SLC22A16: variants seen among roughly 807,000 people sequenced by gnomAD.
SLC22A16 encodes solute carrier family 22 member 16.
Under a neutral mutation model 52.9 loss-of-function variants are expected in SLC22A16, and 53 were observed. The observed-to-expected ratio is 1.00, with a 90% CI of 0.80 to 1.26. SLC22A16 has a LOEUF of 1.26. Ranked by LOEUF, SLC22A16 falls within the 50% of genes most tolerant of loss-of-function variation. The probability of loss-of-function intolerance (pLI) is 0.00; values close to 1 mark genes in which losing one functional copy is unlikely to be tolerated. For missense variants in SLC22A16, 726 were observed against 704.0 expected, an observed-to-expected ratio of 1.03 and a Z score of -0.35; for synonymous variants, 291 against 268.8, an observed-to-expected ratio of 1.08 and a Z score of -0.81.
chr6:110,448,091 C>T (rs1021369256), intron 2 of SLC22A16, among the ~76,000 whole-genome samples: 10 of 152,056 alleles, frequency 6.6e-5, no homozygotes, highest in South Asian at 2.1e-4. Context: ...CCAAGATGGC[C>T]GCCCCATTTT....
intron 1 of SLC22A16, among the ~76,000 whole-genome samples, chr6:110,466,498 T>C (rs1370340504): frequency 1.7e-4 from 25 of 151,436 alleles, no homozygotes; most frequent in Admixed American, 1.6e-3. Flanking sequence ...AAAGAAGACA[T>C]ACAAGCAGCC....
At chr6:110,465,041 T>C (rs1378010377) in intron 1 of SLC22A16, among the ~76,000 whole-genome samples, 1 of 149,952 alleles carries the variant, frequency 6.7e-6, no homozygotes, top group Non-Finnish European at 1.5e-5. Flanking sequence ...ACAAAAGACA[T>C]AAGGTCAACT....
chr6:110,438,812 T>C lies in SLC22A16; in HGVS notation c.1219A>G (p.Ile407Val). The C allele has an allele frequency of 6.2e-7, 1 of 1,614,176 alleles. No individual in the cohort carries two copies. Among genetic ancestry groups the C allele is most frequent in the Non-Finnish European group, 8.5e-7 (1 of 1,180,018 alleles). The part of the protein sequence containing the change: ...VEIPAYTFVC[I>V]AMDKVGRRTV... Reference sequence around the variant, plus strand: ...CTCCTCCCGACCTTGTCCATGGCGATGCACACGAAGGTGTAGGCGGGAATT... The same window carrying C: ...CTCCTCCCGACCTTGTCCATGGCGACGCACACGAAGGTGTAGGCGGGAATT... Residue 407 changes from isoleucine (I) to valine (V), a missense_variant, in exon 5 of 8, where the codon ATC becomes GTC. Physicochemically the swap from Ile to Val is conservative, Grantham distance 29. Transcript: ENST00000368919.
intron 6 of SLC22A16, 120 bp from the exon 7 acceptor site, chr6:110,431,390 G>C: frequency 1.3e-6 from 1 of 763,254 alleles, no homozygotes; most frequent in Non-Finnish European, 2.1e-6. Context: ...GTCAGGCAGC[G>C]CATTACAACG....
intron 2 of SLC22A16, among the ~76,000 whole-genome samples, chr6:110,448,384 A>G (rs1224457176): frequency 6.6e-6 from 1 of 152,192 alleles, no homozygotes; most frequent in African/African-American, 2.4e-5. Flanking sequence ...CTCTTTATAT[A>G]TTCTGGATAC....
intron 6 of SLC22A16, among the ~76,000 whole-genome samples, chr6:110,435,177 G>A (rs1270045863): frequency 6.6e-6 from 1 of 152,146 alleles, no homozygotes; most frequent in East Asian, 1.9e-4. Context: ...CAAAGTTCAA[G>A]TGTTGAAGTC....
chr6:110,469,688 C>T (rs552665442), intron 1 of SLC22A16, among the ~76,000 whole-genome samples: 7 of 152,194 alleles, frequency 4.6e-5, no homozygotes, highest in South Asian at 4.1e-4. Context: ...CTTAGTGAAT[C>T]GCTGATGTAA....
At chr6:110,447,986 G>C (rs1279986691) in intron 2 of SLC22A16, among the ~76,000 whole-genome samples, 2 of 152,098 alleles carry the variant, frequency 1.3e-5, no homozygotes, top group African/African-American at 2.4e-5. Flanking sequence ...TGTGAACTTA[G>C]GTTTTGAATT....
chr6:110,425,314 A>G (rs1774213670), intron 7 of SLC22A16: 1 of 1,476,612 alleles, frequency 6.8e-7, no homozygotes, highest in Non-Finnish European at 9.1e-7. Context: ...TTCATGACCC[A>G]CCATGGAGTG....
rs1186792111 is a variant in SLC22A16, at chr6:110,476,582, C to G, written c.-8G>C. 14 of 1,526,894 alleles carry G rather than the reference C, an allele frequency of 9.2e-6. No homozygotes were observed. Among genetic ancestry groups the G allele is most frequent in the Non-Finnish European group, 1.2e-5 (14 of 1,138,820 alleles). 94.6% of individuals were successfully genotyped at this position (1,526,894 alleles called of 1,614,324 possible). On this transcript the variant is annotated 5_prime_UTR_variant, in exon 1 of 8. Transcript: ENST00000368919. ...GAAGTGGCGGGACCCCATGGTGCGG[C>G]CGTGCACTGGGCGCCGAGTTAGCCG...
At chr6:110,456,275 T>C (rs1775648014) in intron 2 of SLC22A16, 2 of 428,874 alleles carry the variant, frequency 4.7e-6, no homozygotes, top group Non-Finnish European at 8.2e-6. Flanking sequence ...TAGACAAAGA[T>C]TCTGAAACAC....
chr6:110,468,273 C>A lies in SLC22A16; in HGVS notation c.53+8249G>T, dbSNP rs543704030. ...GGGCAGCCAACAGAAGAGCTTGGAG[C>A]CCCAGTGCTTGATGGGCTAATGGGA... On this transcript the variant is annotated intron_variant, in intron 1 of 7. Transcript: ENST00000368919. 6.6e-5 allele frequency among the ~76,000 whole-genome samples: 10 copies of A among 152,316 alleles called. No individual in the cohort carries two copies. In the South Asian group the frequency reaches 1.9e-3, roughly 28 times the overall value.
At chr6:110,450,332 C>A (rs1775328077) in intron 2 of SLC22A16, among the ~76,000 whole-genome samples, 2 of 152,204 alleles carry the variant, frequency 1.3e-5, no homozygotes, top group African/African-American at 2.4e-5. Context: ...CATTTACCGG[C>A]TGGGCATGGC....
At position 110,456,988 on chromosome 6, in the gene SLC22A16, G is replaced by T; in HGVS notation, c.83C>A (p.Ala28Asp). ...AATACCACAAGAGATGTTCTGGAAG[G>T]CACATATGAAATAGAGGACTCTCTG... ...RFQRVLYFIC[A>D]FQNISCGIHY... Residue 28 changes from alanine to aspartate, a missense_variant, in exon 2 of 8, where the codon GCC becomes GAC. Physicochemically the swap from Ala to Asp is moderately radical, Grantham distance 126. Transcript: ENST00000368919. The T allele has an allele frequency of 6.4e-7, 1 of 1,554,260 alleles. No homozygotes were observed. Among genetic ancestry groups the T allele is most frequent in the Non-Finnish European group, 8.7e-7 (1 of 1,152,142 alleles).
intron 5 of SLC22A16, 39 bp downstream of exon 5, chr6:110,438,681 A>T (rs747878469): frequency 3.8e-6 from 6 of 1,581,278 alleles, no homozygotes; most frequent in Non-Finnish European, 4.3e-6. Flanking sequence ...TCAAACTGTC[A>T]CAGTATAACT....
Position 110,442,110 on chromosome 6 carries a change from G to T in SLC22A16, c.1183+134C>A. 3 of 763,800 alleles carry T rather than the reference G, an allele frequency of 3.9e-6. No homozygotes were observed. The South Asian group carries it at 5.7e-5, about 14-fold the overall frequency. The allele number at this position is 763,800 out of a possible 1,614,324, so 47.3% of individuals were successfully genotyped here. ...AAGAGATATCATAATAATATGGTTG[G>T]CAGTATTGTTCCTGGTTTTAAAGGG... is the stretch of plus-strand genomic sequence containing the variant. On this transcript the variant is annotated intron_variant, in intron 4 of 7. Coordinates refer to ENST00000368919, the MANE Select transcript of SLC22A16 (RefSeq NM_033125.4).
chr6:110,453,962 G>A (rs1775482399), intron 2 of SLC22A16, among the ~76,000 whole-genome samples: 1 of 152,128 alleles, frequency 6.6e-6, no homozygotes, highest in African/African-American at 2.4e-5. Context: ...CACTCTTGCA[G>A]GAACTAATCA....
chr6:110,446,983 G>T lies in SLC22A16; in HGVS notation c.541C>A (p.Arg181Ser), dbSNP rs145601305. The part of the protein sequence containing the change: ...TFGYFSDRLG[R>S]RVVLWATSSS... ...CTTGTGGCCCACAAGACCACCCGGC[G>T]TCCTAGCCTGAAAAATAAGAGTCAC... Residue 181 changes from arginine to serine, a missense_variant, in exon 3 of 8, where the codon CGC becomes AGC. Transcript: ENST00000368919. The T allele has an allele frequency of 2.5e-6, 4 of 1,611,918 alleles. No homozygotes were observed. In the African/African-American group the frequency reaches 5.4e-5, roughly 22 times the overall value.
intron 7 of SLC22A16, among the ~76,000 whole-genome samples, chr6:110,428,745 G>A (rs549596091): frequency 1.3e-4 from 20 of 152,234 alleles, no homozygotes; most frequent in Admixed American, 1.0e-3. Context: ...GTGAAACCCC[G>A]TCTCTACTAA....
Sources: gnomAD v4.1 joint callset for allele counts (sites outside exome capture counted in the v4.1 genomes callset) on GRCh38, gnomAD v4.1.1 for gene constraint, MANE v1.5 for transcripts, NCBI Gene and HGNC (gene_info 2026-07-23, HGNC 2026-07-21) for gene names.